TBXAS1: variants seen among roughly 807,000 people sequenced by gnomAD.
TBXAS1 encodes the protein thromboxane A synthase 1, also known as thromboxane-A synthase.
A neutral mutation model predicts 60.7 loss-of-function variants in TBXAS1; 48 were observed. That is an observed-to-expected ratio of 0.79 (90% CI 0.63 to 1.01). The LOEUF is 1.01. Among genes scored for constraint, TBXAS1 ranks in the 50% least tolerant of loss-of-function variants. The probability of loss-of-function intolerance (pLI) is 0.00; values close to 1 mark genes in which losing one functional copy is unlikely to be tolerated. For synonymous variants in TBXAS1, 287 were observed against 269.7 expected (o/e 1.06, Z -0.63); for missense variants, 685 against 686.3 (o/e 1.00, Z 0.02).
chr7:139,850,151 A>G (rs992281541), intron 1 of TBXAS1, among the ~76,000 whole-genome samples: 16 of 152,204 alleles, frequency 1.1e-4, no homozygotes, highest in African/African-American at 3.9e-4. Context: ...AAAAAGAGAC[A>G]CTTGTCTTGC....
intron 3 of TBXAS1, among the ~76,000 whole-genome samples, chr7:139,877,850 A>C (rs77010484): frequency 0.015 from 2,316 of 150,500 alleles, 34 homozygotes; most frequent in African/African-American, 0.034. Flanking sequence ...TCTTTCTTTC[A>C]AACAGTCTCA....
intron 9 of TBXAS1, among the ~76,000 whole-genome samples, chr7:139,978,167 G>A (rs1811694881): frequency 6.6e-6 from 1 of 152,152 alleles, no homozygotes; most frequent in South Asian, 2.1e-4. Context: ...CAGTGATCCT[G>A]TGGGGTCAAG....
intron 4 of TBXAS1, among the ~76,000 whole-genome samples, chr7:139,809,153 G>GTAGATAGATAGATAGATAGATAGA (rs60399618): frequency 6.0e-5 from 9 of 150,160 alleles, no homozygotes; most frequent in African/African-American, 2.2e-4. Context: ...TAGGAGATAG[G>GTAGATAGATAGATAGATAGATAGA]TAGATAGATA....
intron 9 of TBXAS1, among the ~76,000 whole-genome samples, chr7:140,005,692 C>A (rs745429186): frequency 3.4e-4 from 52 of 152,104 alleles, no homozygotes; most frequent in African/African-American, 9.9e-4. Flanking sequence ...CCACCCTGGC[C>A]CTCTAAATTC....
At chr7:139,891,713 A>C (rs975584429) in intron 3 of TBXAS1, among the ~76,000 whole-genome samples, 1 of 152,240 alleles carries the variant, frequency 6.6e-6, no homozygotes, top group Non-Finnish European at 1.5e-5. Context: ...ATGGTGACTG[A>C]CACATAATAG....
chr7:139,787,155 A>C (rs1255376354), intron 3 of TBXAS1, among the ~76,000 whole-genome samples: 3 of 152,214 alleles, frequency 2.0e-5, no homozygotes, highest in African/African-American at 7.2e-5. Context: ...TAAGAAAAAA[A>C]CAAATAATCT....
In TBXAS1 at chr7:139,962,215, C is replaced by T. The variant is rs1213029629; in HGVS notation, c.1116C>T (p.Asp372=). ...DCQEKLLREV[D]VFKEKHMAPE... ...AAGAGAAGCTTCTGAGAGAGGTAGA[C>T]GTTTTTAAGGAGAAACACGTGAGTA... is the stretch of plus-strand genomic sequence containing the variant. Residue 372 remains aspartate (D), a synonymous_variant, in exon 9 of 13, where the codon GAC becomes GAT. Transcript: ENST00000448866. The T allele has an allele frequency of 3.1e-6, 5 of 1,614,034 alleles. No individual in the cohort carries two copies. The highest frequency in any genetic ancestry group is 1.1e-5 in the South Asian group (1 of 91,052).
At chr7:139,901,513 T>C (rs1804573498) in intron 3 of TBXAS1, among the ~76,000 whole-genome samples, 1 of 152,062 alleles carries the variant, frequency 6.6e-6, no homozygotes, top group Non-Finnish European at 1.5e-5. Flanking sequence ...GTAATTGCTT[T>C]CCTTTTAGAT....
At chr7:139,987,624 T>C (rs569910252) in intron 9 of TBXAS1, among the ~76,000 whole-genome samples, 1 of 152,196 alleles carries the variant, frequency 6.6e-6, no homozygotes, top group African/African-American at 2.4e-5. Flanking sequence ...ATAAATCAGT[T>C]GTCAGGACCC....
At chr7:139,871,334 T>A (rs144478196) in intron 1 of TBXAS1, among the ~76,000 whole-genome samples, 1 of 152,352 alleles carries the variant, frequency 6.6e-6, no homozygotes, top group African/African-American at 2.4e-5. Context: ...GTGATTTGGC[T>A]GATCTCTGCG....
intron 1 of TBXAS1, among the ~76,000 whole-genome samples, chr7:139,832,084 G>T (rs909452552): frequency 6.6e-6 from 1 of 152,102 alleles, no homozygotes; most frequent in Non-Finnish European, 1.5e-5. Flanking sequence ...GAATAAATCA[G>T]CAATTCTGAG....
intron 4 of TBXAS1, among the ~76,000 whole-genome samples, chr7:139,914,212 AT>A (rs1456417815): frequency 6.6e-6 from 1 of 151,492 alleles, no homozygotes; most frequent in Non-Finnish European, 1.5e-5. Context: ...AAAAAAAAAA[AT>A]TTGGCAGAGA....
At chr7:139,935,898 G>A (rs1478913827) in intron 4 of TBXAS1, among the ~76,000 whole-genome samples, 1 of 152,170 alleles carries the variant, frequency 6.6e-6, no homozygotes, top group Non-Finnish European at 1.5e-5. Context: ...TCAGTAGGGG[G>A]ACTGCAGAAC....
intron 5 of TBXAS1, among the ~76,000 whole-genome samples, chr7:139,942,222 A>AT (rs770504868): frequency 3.9e-5 from 6 of 152,392 alleles, no homozygotes; most frequent in Admixed American, 2.0e-4. Context: ...AAAAGGCCCC[A>AT]TAGTCAAATA....
chr7:140,001,062 C>T (rs1232910780), intron 9 of TBXAS1, among the ~76,000 whole-genome samples: 2 of 152,210 alleles, frequency 1.3e-5, no homozygotes, highest in Non-Finnish European at 2.9e-5. Context: ...GGAACAGAAC[C>T]CTGCCCTTTG....
chr7:139,995,593 C>A (rs1298508195), intron 9 of TBXAS1, among the ~76,000 whole-genome samples: 1 of 152,176 alleles, frequency 6.6e-6, no homozygotes, highest in Admixed American at 6.5e-5. Context: ...TATCCCACAG[C>A]GACCTTTTCA....
At chr7:139,812,023 A>G (rs1699006887) in intron 4 of TBXAS1, among the ~76,000 whole-genome samples, 1 of 152,222 alleles carries the variant, frequency 6.6e-6, no homozygotes, top group Non-Finnish European at 1.5e-5. Context: ...AAGGCTCTGA[A>G]ATGCTGGCCT....
At chr7:140,002,850 G>C (rs747047926) in intron 9 of TBXAS1, among the ~76,000 whole-genome samples, 1 of 152,062 alleles carries the variant, frequency 6.6e-6, no homozygotes, top group East Asian at 1.9e-4. Context: ...CTGGCTGGGC[G>C]CGGTGGCTCA....
intron 4 of TBXAS1, among the ~76,000 whole-genome samples, chr7:139,919,917 A>G (rs911407585): frequency 2.6e-5 from 4 of 152,012 alleles, no homozygotes; most frequent in African/African-American, 4.8e-5. Flanking sequence ...AGGCCACCCC[A>G]CTCCCACCCT....
Sources: allele counts gnomAD v4.1 joint callset (sites outside exome capture counted in the v4.1 genomes callset), GRCh38; gene constraint gnomAD v4.1.1; transcripts MANE v1.5; gene names NCBI Gene and HGNC (gene_info 2026-07-23, HGNC 2026-07-21).